Variants in DOCK10 observed in about 807,000 individuals in gnomAD.
DOCK10 encodes the protein dedicator of cytokinesis 10.
A neutral mutation model predicts 280.1 loss-of-function variants in DOCK10; 145 were observed. The ratio of observed to expected loss-of-function variants is 0.52; its 90% CI spans 0.45 to 0.59. The LOEUF (loss-of-function observed/expected upper bound fraction) is 0.59. DOCK10 is among the 20% of genes least tolerant of loss of function. DOCK10 has a pLI of 0.00. For synonymous variants in DOCK10, 915 were observed against 942.2 expected, an observed-to-expected ratio of 0.97 and a Z score of 0.53; for missense variants, 2,368 against 2,651.7, an observed-to-expected ratio of 0.89 and a Z score of 2.35.
At chr2:224,920,213 C>A (rs532253772) in intron 2 of DOCK10, among the ~76,000 whole-genome samples, 1 of 150,474 alleles carries the variant, frequency 6.6e-6, no homozygotes. Flanking sequence ...CAGGTGCGCA[C>A]CACTATGCCT....
intron 50 of DOCK10, chr2:224,784,857 G>T: frequency 1.0e-6 from 1 of 975,850 alleles, no homozygotes; most frequent in Non-Finnish European, 1.4e-6. Context: ...TATATTGGTT[G>T]CAGAAACCAT....
At chr2:224,996,516 C>G (rs1055168118) in intron 1 of DOCK10, among the ~76,000 whole-genome samples, 3 of 152,092 alleles carry the variant, frequency 2.0e-5, no homozygotes, top group Admixed American at 2.0e-4. Flanking sequence ...AAACTAGAAC[C>G]CTTTGAAAGT....
Position 224,931,644 on chromosome 2 carries a change from G to A in DOCK10, c.148C>T (p.Pro50Ser), listed in dbSNP as rs1468101596. The A allele has an allele frequency of 1.9e-6, 3 of 1,608,884 alleles. No homozygotes were observed. The African/African-American group carries it at 4.0e-5, about 22-fold the overall frequency. ...QRQEKPRLLE[P>S]LDYETVIEEL... ...TCAATGACAGTCTCATAATCCAAAG[G>A]CTCGAGAAGCCTAGGCTTTTCTTGC... The change falls in exon 2 of 56, where the codon CCT becomes TCT. Residue 50 changes from proline (P) to serine (S), a missense_variant. Pro to Ser is a moderately conservative substitution (Grantham distance 74, BLOSUM62 -1). Transcript: ENST00000258390.
At chr2:224,941,128 C>T (rs556550339) in intron 1 of DOCK10, among the ~76,000 whole-genome samples, 1 of 151,974 alleles carries the variant, frequency 6.6e-6, no homozygotes, top group African/African-American at 2.4e-5. Flanking sequence ...ATGGCAAAGA[C>T]CATAATCAGT....
chr2:224,989,234 A>G (rs1249168318), intron 1 of DOCK10, among the ~76,000 whole-genome samples: 5 of 152,154 alleles, frequency 3.3e-5, no homozygotes. Context: ...CTGCCTCGCA[A>G]TCTTTGTTTC....
intron 16 of DOCK10, among the ~76,000 whole-genome samples, chr2:224,854,738 C>T (rs955998524): frequency 1.3e-4 from 20 of 151,996 alleles, no homozygotes; most frequent in African/African-American, 4.6e-4. Flanking sequence ...CCCTACAAAA[C>T]TCATCATCTG....
intron 3 of DOCK10, among the ~76,000 whole-genome samples, chr2:224,908,913 C>T (rs926456896): frequency 6.6e-6 from 1 of 152,192 alleles, no homozygotes; most frequent in African/African-American, 2.4e-5. Context: ...CCCGCAGCAG[C>T]ATTGGTTTTC....
chr2:224,952,993 A>G (rs1439396342), intron 1 of DOCK10, among the ~76,000 whole-genome samples: 2 of 152,242 alleles, frequency 1.3e-5, no homozygotes, highest in African/African-American at 4.8e-5. Flanking sequence ...CGGGGGGCAG[A>G]AACCTGGCTT....
At chr2:224,965,313 C>G (rs1704674211) in intron 1 of DOCK10, among the ~76,000 whole-genome samples, 1 of 152,176 alleles carries the variant, frequency 6.6e-6, no homozygotes, top group Non-Finnish European at 1.5e-5. Context: ...CAGAGCCTGG[C>G]AGGTAGGAAA....
Position 224,933,770 on chromosome 2 carries a change from T to C in DOCK10, c.124-2102A>G, listed in dbSNP as rs80276958. Among the ~76,000 whole-genome samples the C allele has an allele frequency of 8.5e-3, 1,299 of 152,296 alleles. 21 individuals are homozygous for C. The highest frequency in any genetic ancestry group is 0.027 in the African/African-American group (1,133 of 41,550). ...CTCCTCACACCAAAATGAGTAGAGA[T>C]ATGAGAGTGTGGTTTTAGTGTATAT... On this transcript the variant is annotated intron_variant, in intron 1 of 55. Coordinates refer to ENST00000258390, the MANE Select transcript of DOCK10 (RefSeq NM_014689.3).
At chr2:224,855,488 C>A (rs1697062156) in intron 15 of DOCK10, among the ~76,000 whole-genome samples, 1 of 152,118 alleles carries the variant, frequency 6.6e-6, no homozygotes, top group South Asian at 2.1e-4. Context: ...GGTCCATATT[C>A]TTCCTCTTCA....
chr2:224,924,431 T>C (rs1013448884), intron 2 of DOCK10, among the ~76,000 whole-genome samples: 1 of 152,228 alleles, frequency 6.6e-6, no homozygotes, highest in Non-Finnish European at 1.5e-5. Context: ...ATTTTGAACA[T>C]TTCCTATACG....
intron 1 of DOCK10, among the ~76,000 whole-genome samples, chr2:224,961,531 G>T: frequency 7.6e-6 from 1 of 131,700 alleles, no homozygotes; most frequent in Non-Finnish European, 1.6e-5. Flanking sequence ...TTTTTGAGAC[G>T]GAGCCTCGCT....
chr2:224,774,999 G>T lies in DOCK10; in HGVS notation c.5919C>A (p.Asn1973Lys), dbSNP rs757584142. 1.9e-6 allele frequency: 3 copies of T among 1,613,774 alleles called. No individual in the cohort carries two copies. The South Asian group carries it at 3.3e-5, about 18-fold the overall frequency. The part of the protein sequence containing the change: ...DRKTDFEMHH[N>K]INRFVFETPF... ...GTGTCTCGAAGACAAAGCGGTTGATGTTGTGGTGCATTTCGAAATCTGTCT... is the reference window on the plus strand; with the variant it reads ...GTGTCTCGAAGACAAAGCGGTTGATTTTGTGGTGCATTTCGAAATCTGTCT... Residue 1973 changes from asparagine to lysine, a missense_variant, in exon 52 of 56, where the codon AAC (asparagine) becomes AAA (lysine). By Grantham distance (94) the Asn-to-Lys change is moderately conservative. This residue lies in a region of DOCK10 where 1,159 missense variants were observed against 1,400.8 expected (regional missense o/e 0.83). Coordinates refer to ENST00000258390, the MANE Select transcript of DOCK10 (RefSeq NM_014689.3).
chr2:225,014,493 AC>A (rs1373049412), intron 1 of DOCK10, among the ~76,000 whole-genome samples: 3 of 152,134 alleles, frequency 2.0e-5, no homozygotes, highest in Non-Finnish European at 4.4e-5. Context: ...TAGTCATCTT[AC>A]ATTTATTGTG....
chr2:225,005,849 A>G (rs1473908789), intron 1 of DOCK10, among the ~76,000 whole-genome samples: 1 of 152,220 alleles, frequency 6.6e-6, no homozygotes, highest in Non-Finnish European at 1.5e-5. Context: ...TCCACACAAT[A>G]TGATCCAATG....
chr2:224,927,976 G>C (rs116812529), intron 2 of DOCK10, among the ~76,000 whole-genome samples: 38 of 152,240 alleles, frequency 2.5e-4, no homozygotes, highest in African/African-American at 8.2e-4. Flanking sequence ...TGGGATTGGG[G>C]TGGTCATTCT....
chr2:224,767,917 CTTT>C (rs34717266), intron 55 of DOCK10, among the ~76,000 whole-genome samples: 2 of 147,776 alleles, frequency 1.4e-5, no homozygotes, highest in Admixed American at 6.7e-5. Context: ...CTAATTGTTT[CTTT>C]TTTTTTTTTT....
intron 1 of DOCK10, among the ~76,000 whole-genome samples, chr2:225,019,433 G>A (rs969878757): frequency 7.2e-5 from 10 of 139,132 alleles, no homozygotes; most frequent in African/African-American, 2.6e-4. Flanking sequence ...GCTCAAGAGA[G>A]TGTGGTTTAA....
Sources: gnomAD v4.1 joint callset for allele counts (sites outside exome capture counted in the v4.1 genomes callset) on GRCh38, gnomAD v4.1.1 for gene constraint, gnomAD v4.1.1 regional missense constraint, MANE v1.5 for transcripts, NCBI Gene and HGNC (gene_info 2026-07-23, HGNC 2026-07-21) for gene names.